Variants in IFT43 observed in about 807,000 individuals in gnomAD.
The protein encoded by IFT43 is intraflagellar transport 43, also known as intraflagellar transport protein 43 homolog.
IFT43 carries 33 observed loss-of-function variants against 32.3 expected under a neutral mutation model. The observed-to-expected ratio is 1.02, with a 90% confidence interval of 0.77 to 1.37. The LOEUF (loss-of-function observed/expected upper bound fraction) is 1.37, where lower values mean the gene tolerates loss of function less well. IFT43 is among the 40% of genes most tolerant of loss of function. IFT43 has a pLI of 0.00. For synonymous variants in IFT43, 93 were observed against 98.2 expected, an observed-to-expected ratio of 0.95 and a Z score of 0.31; for missense variants, 274 against 265.9, an observed-to-expected ratio of 1.03 and a Z score of -0.21.
intron 1 of IFT43, among the ~76,000 whole-genome samples, chr14:75,987,965 A>G (rs1248322101): frequency 1.3e-5 from 2 of 152,230 alleles, no homozygotes; most frequent in Non-Finnish European, 2.9e-5. Flanking sequence ...TCTTTCCAAA[A>G]GCCTGTTTGA....
intron 4 of IFT43, chr14:76,058,947 A>G (rs534394602): frequency 1.0e-5 from 15 of 1,440,422 alleles, no homozygotes; most frequent in African/African-American, 2.9e-5. Flanking sequence ...TGCCTTCTGC[A>G]TTATTGATAT....
intron 2 of IFT43, among the ~76,000 whole-genome samples, chr14:76,006,602 C>T (rs1386482332): frequency 2.6e-5 from 4 of 152,028 alleles, no homozygotes; most frequent in Admixed American, 2.0e-4. Flanking sequence ...ATTTAAAGGA[C>T]CATTTCTTAT....
At chr14:76,066,311 T>C (rs1289224207) in intron 5 of IFT43, among the ~76,000 whole-genome samples, 1 of 152,248 alleles carries the variant, frequency 6.6e-6, no homozygotes, top group Non-Finnish European at 1.5e-5. Context: ...CATAAAACCC[T>C]TTCTTGTCAG....
intron 2 of IFT43, among the ~76,000 whole-genome samples, chr14:76,010,783 C>G (rs2036068699): frequency 6.6e-6 from 1 of 152,078 alleles, no homozygotes; most frequent in South Asian, 2.1e-4. Flanking sequence ...CCACTGTTGT[C>G]TTCAAAGTAT....
intron 5 of IFT43, among the ~76,000 whole-genome samples, chr14:76,060,438 C>CT (rs1260374788): frequency 1.3e-5 from 2 of 152,060 alleles, no homozygotes; most frequent in East Asian, 1.9e-4. Flanking sequence ...AGGCTGGTCT[C>CT]TAACACCTGA....
At chr14:76,025,121 C>A (rs771807774) in intron 3 of IFT43, among the ~76,000 whole-genome samples, 6 of 152,068 alleles carry the variant, frequency 3.9e-5, no homozygotes, top group African/African-American at 1.4e-4. Flanking sequence ...GGCCAGTGAT[C>A]GAATTTAACT....
intron 3 of IFT43, among the ~76,000 whole-genome samples, chr14:76,038,460 T>G (rs2036645092): frequency 6.6e-6 from 1 of 152,240 alleles, no homozygotes; most frequent in South Asian, 2.1e-4. Context: ...ATCTTTTTAA[T>G]GTACATCTTA....
rs570588860 is a variant in IFT43, at chr14:76,019,544, G to A, written c.148-2783G>A. Among the ~76,000 whole-genome samples the A allele has an allele frequency of 4.5e-4, 68 of 152,062 alleles. 1 individual carries two copies. Among genetic ancestry groups the A allele is most frequent in the Middle Eastern group, 3.4e-3 (1 of 294 alleles). The stretch of plus-strand genomic sequence containing the variant: ...TGACATTTTGATTATAATGTGCCTT[G>A]GAGAAGATCTTTTTGAGGTGAATCT... On this transcript the variant is annotated intron_variant, in intron 2 of 8. Coordinates refer to ENST00000314067, the MANE Select transcript of IFT43 (RefSeq NM_001102564.3).
rs1304694148 is a variant in IFT43, at chr14:75,988,981, G to A, written c.147+4G>A. ...CTCTTTGACTCTGACTGGAGAGGTG[G>A]GTGCTAAAAAAAAAGAAAATCTGAA... On this transcript the variant is annotated splice_donor_region_variant and intron_variant, in intron 2 of 8. Transcript: ENST00000314067. The A allele has an allele frequency of 1.2e-6, 2 of 1,613,442 alleles. No homozygotes were observed. The highest frequency in any genetic ancestry group is 2.2e-5 in the South Asian group (2 of 91,060).
At chr14:76,060,032 C>A (rs2140054854) in intron 5 of IFT43, among the ~76,000 whole-genome samples, 1 of 152,210 alleles carries the variant, frequency 6.6e-6, no homozygotes, top group African/African-American at 2.4e-5. Flanking sequence ...GTGTGTGACG[C>A]ATAGTAGTTA....
At chr14:75,994,388 C>T (rs1181355618) in intron 2 of IFT43, among the ~76,000 whole-genome samples, 1 of 152,094 alleles carries the variant, frequency 6.6e-6, no homozygotes, top group Non-Finnish European at 1.5e-5. Flanking sequence ...CTTGGTCATT[C>T]GATACATTTC....
At chr14:75,999,226 T>C (rs1248291703) in intron 2 of IFT43, among the ~76,000 whole-genome samples, 3 of 103,574 alleles carry the variant, frequency 2.9e-5, no homozygotes, top group African/African-American at 1.5e-4. Context: ...ATAAATTCAT[T>C]TTATATATAT....
At chr14:75,993,396 T>C (rs1405734028) in intron 2 of IFT43, among the ~76,000 whole-genome samples, 1 of 152,250 alleles carries the variant, frequency 6.6e-6, no homozygotes. Flanking sequence ...GTGCTGCAGC[T>C]GCTGATAGCT....
At chr14:76,018,376 T>C (rs1225648330) in intron 2 of IFT43, among the ~76,000 whole-genome samples, 1 of 152,178 alleles carries the variant, frequency 6.6e-6, no homozygotes, top group African/African-American at 2.4e-5. Context: ...CCTCTTGTTA[T>C]TGATTTCTAG....
intron 2 of IFT43, among the ~76,000 whole-genome samples, chr14:76,015,900 T>TCTCTC: frequency 6.6e-6 from 1 of 152,340 alleles, no homozygotes; most frequent in East Asian, 1.9e-4. Flanking sequence ...TCAGTGTGGT[T>TCTCTC]TTGGATTTGC....
intron 5 of IFT43, among the ~76,000 whole-genome samples, chr14:76,067,369 C>T (rs2037242435): frequency 6.6e-6 from 1 of 151,962 alleles, no homozygotes; most frequent in Non-Finnish European, 1.5e-5. Flanking sequence ...AGTTTGAGAC[C>T]AACCTGGCCA....
intron 3 of IFT43, among the ~76,000 whole-genome samples, chr14:76,040,299 C>T (rs1437809423): frequency 6.6e-6 from 1 of 152,150 alleles, no homozygotes. Flanking sequence ...TTTCCTGTCT[C>T]AGTAAAAGTA....
chr14:76,077,885 C>CTG (rs1055823257), intron 5 of IFT43, among the ~76,000 whole-genome samples: 43 of 152,224 alleles, frequency 2.8e-4, no homozygotes, highest in African/African-American at 1.0e-3. Flanking sequence ...TTCAGCTGCC[C>CTG]TGTCCTCAAT....
intron 2 of IFT43, among the ~76,000 whole-genome samples, chr14:75,999,239 A>AATATTCATTTATATATAAATTCATTT (rs1162558823): frequency 7.3e-4 from 7 of 9,594 alleles, no homozygotes; most frequent in African/African-American, 4.3e-3. Flanking sequence ...ATATATATAT[A>AATATTCATTTATATATAAATTCATTT]TATATATATA....
Sources: allele counts gnomAD v4.1 joint callset (sites outside exome capture counted in the v4.1 genomes callset), GRCh38; gene constraint gnomAD v4.1.1; transcripts MANE v1.5; gene names NCBI Gene and HGNC (gene_info 2026-07-23, HGNC 2026-07-21).